The following MAP2 variants were observed in gnomAD, a reference collection of about 807,000 sequenced individuals.
The protein encoded by MAP2 is microtubule-associated protein 2.
MAP2 carries 14 observed loss-of-function variants against 137.6 expected under a neutral mutation model. The observed-to-expected ratio is 0.10, with a 90% CI of 0.07 to 0.16. MAP2 has a LOEUF of 0.16. MAP2 is among the 10% of genes least tolerant of loss of function. The probability of loss-of-function intolerance (pLI) is 1.00; values close to 1 mark genes in which losing one functional copy is unlikely to be tolerated. For missense variants in MAP2, 2,088 were observed against 2,191.5 expected (o/e 0.95, Z 0.94); for synonymous variants, 786 against 782.3 (o/e 1.00, Z -0.08).
intron 3 of MAP2, among the ~76,000 whole-genome samples, chr2:209,582,343 G>T: frequency 6.6e-6 from 1 of 151,866 alleles, no homozygotes; most frequent in South Asian, 2.1e-4. Flanking sequence ...ATTTCTTTAG[G>T]CTGTACGGAA....
chr2:209,579,785 C>T (rs1334636679), intron 2 of MAP2: 1 of 151,996 alleles, frequency 6.6e-6, no homozygotes, highest in African/African-American at 2.4e-5. Context: ...AATTTTATTT[C>T]GTTTCATTTT....
intron 2 of MAP2, among the ~76,000 whole-genome samples, chr2:209,574,432 TACACACAC>T (rs57166815): frequency 6.7e-6 from 1 of 148,692 alleles, no homozygotes; most frequent in East Asian, 2.0e-4. Context: ...ATAGTATAGA[TACACACAC>T]ACACACACAC....
At chr2:209,467,359 C>A (rs1704392340) in intron 1 of MAP2, among the ~76,000 whole-genome samples, 1 of 152,128 alleles carries the variant, frequency 6.6e-6, no homozygotes, top group African/African-American at 2.4e-5. Context: ...CCTGATTAAT[C>A]ATTTCTAACG....
intron 3 of MAP2, among the ~76,000 whole-genome samples, chr2:209,590,180 C>G (rs1417867490): frequency 6.6e-6 from 1 of 152,132 alleles, no homozygotes; most frequent in Admixed American, 6.5e-5. Context: ...TCTGGTCTCC[C>G]TTCCCCAAAC....
At chr2:209,504,730 C>T (rs768807577) in intron 1 of MAP2, among the ~76,000 whole-genome samples, 8 of 152,052 alleles carry the variant, frequency 5.3e-5, no homozygotes, top group Middle Eastern at 6.8e-3. Context: ...AGTACATTCG[C>T]GTTGCTGTGC....
At chr2:209,699,562 A>C (rs1296827769) in intron 10 of MAP2, among the ~76,000 whole-genome samples, 1 of 152,186 alleles carries the variant, frequency 6.6e-6, no homozygotes, top group Non-Finnish European at 1.5e-5. Context: ...CAGAAGCATA[A>C]AACAGCAGCA....
At chr2:209,525,448 T>A (rs544143303) in intron 2 of MAP2, among the ~76,000 whole-genome samples, 9 of 152,178 alleles carry the variant, frequency 5.9e-5, no homozygotes, top group Middle Eastern at 3.4e-3. Context: ...TGTGAAAAAT[T>A]TTCCAGTGTA....
chr2:209,581,656 A>T (rs892433800), intron 3 of MAP2, among the ~76,000 whole-genome samples: 15 of 152,258 alleles, frequency 9.9e-5, no homozygotes, highest in Admixed American at 9.8e-4. Context: ...TCACATGAAG[A>T]TCTATTTCCT....
intron 1 of MAP2, among the ~76,000 whole-genome samples, chr2:209,426,073 C>A (rs929715195): frequency 1.3e-5 from 2 of 152,156 alleles, no homozygotes; most frequent in Admixed American, 6.5e-5. Flanking sequence ...CTGGTAATTT[C>A]ATCTGATTAT....
intron 2 of MAP2, among the ~76,000 whole-genome samples, chr2:209,525,842 C>T (rs2063956098): frequency 6.6e-6 from 1 of 152,064 alleles, no homozygotes; most frequent in Non-Finnish European, 1.5e-5. Flanking sequence ...TTCTCTTTTT[C>T]TCCTAAGAAA....
chr2:209,604,196 C>T (rs2083887641), intron 3 of MAP2, among the ~76,000 whole-genome samples: 1 of 152,138 alleles, frequency 6.6e-6, no homozygotes, highest in African/African-American at 2.4e-5. Flanking sequence ...AGAATGTTTG[C>T]ATTTATTTAA....
At chr2:209,512,616 T>TA (rs2061894806) in intron 2 of MAP2, among the ~76,000 whole-genome samples, 2 of 150,618 alleles carry the variant, frequency 1.3e-5, no homozygotes, top group African/African-American at 2.4e-5. Context: ...CATATATATA[T>TA]AAAATGTATG....
At chr2:209,672,502 C>G (rs538988159) in intron 5 of MAP2, among the ~76,000 whole-genome samples, 48 of 151,936 alleles carry the variant, frequency 3.2e-4, no homozygotes, top group African/African-American at 9.2e-4. Context: ...GAATACTACT[C>G]TTATTCCCAC....
intron 1 of MAP2, among the ~76,000 whole-genome samples, chr2:209,502,524 T>C (rs897129616): frequency 6.6e-6 from 1 of 152,222 alleles, no homozygotes; most frequent in African/African-American, 2.4e-5. Context: ...ATTTTGACTG[T>C]TGTAAATAAT....
chr2:209,566,369 T>C lies in MAP2; in HGVS notation c.-171-13667T>C, dbSNP rs368450335. On this transcript the variant is annotated intron_variant, in intron 2 of 15. Transcript: ENST00000682079. Reference sequence around the variant, plus strand: ...GAAACTAAAATCTTCCTTGGAACAATGTCCCTGTTTAAAACTACTCTCATT... The same window carrying C: ...GAAACTAAAATCTTCCTTGGAACAACGTCCCTGTTTAAAACTACTCTCATT... Among the ~76,000 whole-genome samples the C allele has an allele frequency of 4.6e-5, 7 of 152,308 alleles. No individual in the cohort carries two copies. The East Asian group carries it at 1.4e-3, about 29-fold the overall frequency.
intron 4 of MAP2, among the ~76,000 whole-genome samples, chr2:209,637,888 C>CAGG: frequency 6.6e-6 from 1 of 151,616 alleles, no homozygotes; most frequent in South Asian, 2.1e-4. Context: ...TTTTTAAATT[C>CAGG]ACTCTTGGCT....
At chr2:209,432,531 A>T (rs1257842972) in intron 1 of MAP2, among the ~76,000 whole-genome samples, 1 of 152,206 alleles carries the variant, frequency 6.6e-6, no homozygotes, top group Non-Finnish European at 1.5e-5. Context: ...TTAAATATTA[A>T]GGAGAAACAT....
At position 209,517,820 on chromosome 2, in the gene MAP2, T is replaced by C. The variant is rs867774957; in HGVS notation, c.-172+10179T>C. On this transcript the variant is annotated intron_variant, in intron 2 of 15. Coordinates refer to ENST00000682079, the MANE Select transcript of MAP2 (RefSeq NM_001375505.1). ...TATGCTCAAAAAATAGAAAAGTATA[T>C]ACAAAGAAATACAAGCCATGAGGTG... 3.3e-5 allele frequency among the ~76,000 whole-genome samples: 5 copies of C among 151,512 alleles called. No homozygotes were observed. The South Asian group carries it at 1.0e-3, about 31-fold the overall frequency.
At chr2:209,582,427 G>A (rs2076641071) in intron 3 of MAP2, among the ~76,000 whole-genome samples, 2 of 152,080 alleles carry the variant, frequency 1.3e-5, no homozygotes, top group African/African-American at 4.8e-5. Flanking sequence ...TCAGCTGGGG[G>A]AAATATGCCA....
Sources: allele counts gnomAD v4.1 joint callset (sites outside exome capture counted in the v4.1 genomes callset), GRCh38; gene constraint gnomAD v4.1.1; transcripts MANE v1.5; gene names NCBI Gene and HGNC (gene_info 2026-07-23, HGNC 2026-07-21).